VWC2: variants seen among roughly 807,000 people sequenced by gnomAD.
VWC2 encodes the protein von Willebrand factor C domain containing 2.
A neutral mutation model predicts 29.8 loss-of-function variants in VWC2; 14 were observed. The observed-to-expected ratio is 0.47, with a 90% CI of 0.31 to 0.74. VWC2 has a LOEUF of 0.74. VWC2 is among the 30% of genes least tolerant of loss of function. VWC2 has a pLI of 0.05. For synonymous variants in VWC2, 213 were observed against 199.0 expected, an observed-to-expected ratio of 1.07 and a Z score of -0.59; for missense variants, 457 against 459.8, an observed-to-expected ratio of 0.99 and a Z score of 0.05.
Position 49,869,429 on chromosome 7 carries a change from C to G in VWC2, c.827-42605C>G, listed in dbSNP as rs77586629. 8.6e-3 allele frequency among the ~76,000 whole-genome samples: 1,312 copies of G among 152,198 alleles called. 51 individuals are homozygous for G. The highest frequency in any genetic ancestry group is 0.085 in the East Asian group (438 of 5,178). ...AAACAAAGCAACGATTTTAACAAATCAAAGCCTACACTAGGGTAGCAAATC... is the reference window on the plus strand; with the variant it reads ...AAACAAAGCAACGATTTTAACAAATGAAAGCCTACACTAGGGTAGCAAATC... On this transcript the variant is annotated intron_variant, in intron 3 of 3. Coordinates refer to ENST00000340652, the MANE Select transcript of VWC2 (RefSeq NM_198570.5).
chr7:49,887,808 A>G (rs1791964387), intron 3 of VWC2, among the ~76,000 whole-genome samples: 1 of 152,142 alleles, frequency 6.6e-6, no homozygotes, highest in Admixed American at 6.5e-5. Flanking sequence ...TAGATATGGA[A>G]CTTCTCTCCC....
chr7:49,828,654 TA>T (rs1789458295), intron 3 of VWC2, among the ~76,000 whole-genome samples: 1 of 152,206 alleles, frequency 6.6e-6, no homozygotes, highest in Non-Finnish European at 1.5e-5. Context: ...CCATGTCTTT[TA>T]TTTTTTGTAT....
intron 3 of VWC2, among the ~76,000 whole-genome samples, chr7:49,859,548 G>A (rs1227256769): frequency 6.6e-6 from 1 of 152,182 alleles, no homozygotes; most frequent in Non-Finnish European, 1.5e-5. Context: ...GGGACCCTCA[G>A]TACATCCTCT....
chr7:49,775,309 G>A, intron 1 of VWC2, 24 bp from the exon 2 acceptor site: 1 of 626,816 alleles, frequency 1.6e-6, no homozygotes, highest in Non-Finnish European at 2.3e-6. Flanking sequence ...GCGGGGCTCA[G>A]TTGTGCTGCT....
chr7:49,825,095 A>G (rs1387509511), intron 3 of VWC2, among the ~76,000 whole-genome samples: 1 of 152,038 alleles, frequency 6.6e-6, no homozygotes, highest in East Asian at 1.9e-4. Flanking sequence ...CTTATCTTCA[A>G]GTTGATTAAT....
intron 3 of VWC2, among the ~76,000 whole-genome samples, chr7:49,903,421 T>C (rs1192766054): frequency 1.3e-5 from 2 of 152,236 alleles, no homozygotes; most frequent in African/African-American, 2.4e-5. Flanking sequence ...GAATGAACTA[T>C]TGATACTCAC....
In VWC2 at chr7:49,919,930, A is replaced by T. The variant is rs1303737847; in HGVS notation, c.*7745A>T. 1.3e-5 allele frequency: 2 copies of T among 152,238 alleles called. No homozygotes were observed. Among genetic ancestry groups the T allele is most frequent in the Non-Finnish European group, 1.5e-5 (1 of 68,038 alleles). The allele number at this position is 152,238 out of a possible 1,614,324, so 9.4% of individuals were successfully genotyped here. A position where few individuals can be genotyped will look rare whatever the true frequency, so the allele number is the denominator to read the frequency against. On this transcript the variant is annotated 3_prime_UTR_variant, in exon 4 of 4. Transcript: ENST00000340652. ...GTAGGTTTTAGATTAATTATGGCCAACTGATACCTTAAAATATTTGTTACA... is the reference window on the plus strand; with the variant it reads ...GTAGGTTTTAGATTAATTATGGCCATCTGATACCTTAAAATATTTGTTACA...
At chr7:49,855,828 T>C (rs7802037) in intron 3 of VWC2, among the ~76,000 whole-genome samples, 100,313 of 151,954 alleles carry the variant, frequency 0.66, 34,247 homozygotes, top group East Asian at 0.88. Flanking sequence ...ACGGTGCACG[T>C]TAATTCCCAG....
At chr7:49,898,847 T>C (rs1047641404) in intron 3 of VWC2, among the ~76,000 whole-genome samples, 2 of 151,936 alleles carry the variant, frequency 1.3e-5, no homozygotes, top group Non-Finnish European at 1.5e-5. Flanking sequence ...AAAGGAAATA[T>C]ACCATGTATG....
intron 3 of VWC2, among the ~76,000 whole-genome samples, chr7:49,803,183 C>T (rs1484020597): frequency 6.6e-6 from 1 of 152,168 alleles, no homozygotes; most frequent in Admixed American, 6.5e-5. Context: ...TGGTTGGGCT[C>T]ATTTACTTTT....
intron 1 of VWC2, among the ~76,000 whole-genome samples, chr7:49,774,977 G>A (rs998326944): frequency 1.3e-5 from 2 of 152,196 alleles, no homozygotes; most frequent in Non-Finnish European, 2.9e-5. Context: ...GACCTAGGGA[G>A]GGACACCCTG....
At position 49,877,907 on chromosome 7, in the gene VWC2, T is replaced by C. The variant is rs553770979; in HGVS notation, c.827-34127T>C. Among the ~76,000 whole-genome samples the C allele has an allele frequency of 1.8e-4, 27 of 152,156 alleles. 1 individual carries two copies. In the South Asian group the frequency reaches 5.6e-3, roughly 32 times the overall value. ...CCTGACCTTGCATCTGGGCAAAATG[T>C]TTTGGGTCTAGTTGAAAAACATAGG... On this transcript the variant is annotated intron_variant, in intron 3 of 3. Coordinates refer to ENST00000340652, the MANE Select transcript of VWC2 (RefSeq NM_198570.5).
intron 2 of VWC2, 71 bp downstream of exon 2, chr7:49,776,202 T>A: frequency 7.5e-7 from 1 of 1,326,254 alleles, no homozygotes; most frequent in Non-Finnish European, 1.0e-6. Context: ...GGTTCTGTGG[T>A]CCCCCACTTT....
rs554937618 is a variant in VWC2, at chr7:49,918,280, A to G, written c.*6095A>G. 5 of 152,324 alleles carry G rather than the reference A, an allele frequency of 3.3e-5. No individual in the cohort carries two copies. In the South Asian group the frequency reaches 8.3e-4, roughly 25 times the overall value. The allele number at this position is 152,324 out of a possible 1,614,324, so 9.4% of individuals were successfully genotyped here. A position where few individuals can be genotyped will look rare whatever the true frequency, so the allele number is the denominator to read the frequency against. The stretch of plus-strand genomic sequence containing the variant: ...TAAGAATCCAAATCTGCTTTATATC[A>G]GAGCCCGTGATTTGAAGTCTTATCA... On this transcript the variant is annotated 3_prime_UTR_variant, in exon 4 of 4. Coordinates refer to ENST00000340652, the MANE Select transcript of VWC2 (RefSeq NM_198570.5).
intron 3 of VWC2, among the ~76,000 whole-genome samples, chr7:49,866,403 C>T (rs1790892133): frequency 6.6e-6 from 1 of 152,242 alleles, no homozygotes; most frequent in African/African-American, 2.4e-5. Context: ...TGCAGGCTCA[C>T]TTAGGGCTCT....
chr7:49,853,342 A>G (rs889047116), intron 3 of VWC2, among the ~76,000 whole-genome samples: 1 of 152,184 alleles, frequency 6.6e-6, no homozygotes, highest in African/African-American at 2.4e-5. Flanking sequence ...GTCCCTCCCC[A>G]GGCCCAGGAA....
chr7:49,826,238 C>A (rs1789388849), intron 3 of VWC2, among the ~76,000 whole-genome samples: 1 of 152,162 alleles, frequency 6.6e-6, no homozygotes, highest in African/African-American at 2.4e-5. Flanking sequence ...GTGACGCCAT[C>A]ACCATTACCA....
chr7:49,787,194 G>A (rs1788318376), intron 2 of VWC2, among the ~76,000 whole-genome samples: 1 of 152,152 alleles, frequency 6.6e-6, no homozygotes, highest in African/African-American at 2.4e-5. Context: ...CTTTCCTACT[G>A]CTCTGTGTAC....
intron 3 of VWC2, among the ~76,000 whole-genome samples, chr7:49,889,098 T>A (rs550135163): frequency 6.6e-6 from 1 of 152,342 alleles, no homozygotes; most frequent in Admixed American, 6.5e-5. Context: ...ATACAGGGAA[T>A]GCTCATCTTT....
Sources: gnomAD v4.1 joint callset for allele counts (sites outside exome capture counted in the v4.1 genomes callset) on GRCh38, gnomAD v4.1.1 for gene constraint, MANE v1.5 for transcripts, NCBI Gene and HGNC (gene_info 2026-07-23, HGNC 2026-07-21) for gene names.